The following GPHN variants were observed in gnomAD, a reference collection of about 807,000 sequenced individuals.
GPHN encodes the protein gephyrin.
Under a neutral mutation model 95.5 loss-of-function variants are expected in GPHN, and 17 were observed. That is an observed-to-expected ratio of 0.18 (90% CI 0.12 to 0.27). GPHN has a LOEUF of 0.27. Among genes scored for constraint, GPHN ranks in the 10% least tolerant of loss-of-function variants. The pLI is 1.00. For missense variants in GPHN, 660 were observed against 978.1 expected, an observed-to-expected ratio of 0.67 and a Z score of 4.34; for synonymous variants, 320 against 322.5, an observed-to-expected ratio of 0.99 and a Z score of 0.08.
At chr14:67,536,376 CT>C in the GPHN span, among the ~76,000 whole-genome samples, 1 of 151,910 alleles carries the variant, frequency 6.6e-6, no homozygotes, top group Admixed American at 6.5e-5. Flanking sequence ...TCAGCCACGT[CT>C]GGCAGAGCAC....
intron 3 of GPHN, among the ~76,000 whole-genome samples, chr14:66,802,473 C>G (rs1054686918): frequency 6.6e-6 from 1 of 152,110 alleles, no homozygotes; most frequent in African/African-American, 2.4e-5. Flanking sequence ...AGTTGGTACC[C>G]GAGTTGCAAG....
intron 1 of GPHN, among the ~76,000 whole-genome samples, chr14:66,537,210 G>C (rs1344300430): frequency 6.6e-6 from 1 of 151,934 alleles, no homozygotes; most frequent in African/African-American, 2.4e-5. Context: ...TTGTGCTTTA[G>C]TTGTAATAGG....
At chr14:66,555,035 G>A (rs1392892526) in intron 1 of GPHN, among the ~76,000 whole-genome samples, 1 of 152,072 alleles carries the variant, frequency 6.6e-6, no homozygotes, top group Admixed American at 6.6e-5. Flanking sequence ...TAATATTAAT[G>A]TATAGCTTCA....
chr14:67,359,417 A>G, the GPHN span, among the ~76,000 whole-genome samples: 1 of 152,212 alleles, frequency 6.6e-6, no homozygotes, highest in Non-Finnish European at 1.5e-5. Flanking sequence ...GACCTCCACA[A>G]AAGCCCGCCG....
intron 1 of GPHN, among the ~76,000 whole-genome samples, chr14:66,529,000 A>T (rs1231465314): frequency 6.6e-6 from 1 of 152,106 alleles, no homozygotes; most frequent in African/African-American, 2.4e-5. Flanking sequence ...CTGAATTTGA[A>T]TGTTGGCCTG....
chr14:67,126,809 C>T (rs1016670453), intron 17 of GPHN, among the ~76,000 whole-genome samples: 7 of 151,304 alleles, frequency 4.6e-5, no homozygotes, highest in African/African-American at 1.2e-4. Context: ...ATGTTTATTG[C>T]GGCATTATTC....
intron 2 of GPHN, among the ~76,000 whole-genome samples, chr14:66,697,756 T>C (rs1165703830): frequency 2.6e-5 from 4 of 151,454 alleles, no homozygotes; most frequent in African/African-American, 9.7e-5. Flanking sequence ...GGTGCAATCA[T>C]GGCTTACTGC....
At chr14:66,612,639 A>C (rs372725227) in intron 1 of GPHN, among the ~76,000 whole-genome samples, 68 of 152,236 alleles carry the variant, frequency 4.5e-4, no homozygotes, top group African/African-American at 1.5e-3. Context: ...ACAATTAAGT[A>C]AACACATGAA....
chr14:67,524,211 G>A, the GPHN span, among the ~76,000 whole-genome samples: 3 of 152,128 alleles, frequency 2.0e-5, no homozygotes, highest in African/African-American at 7.2e-5. Context: ...CCTCAGCCTA[G>A]TGAGTAGCTG....
the GPHN span, among the ~76,000 whole-genome samples, chr14:67,513,260 A>G: frequency 0.42 from 63,785 of 151,982 alleles, 13,902 homozygotes; most frequent in East Asian, 0.49. Flanking sequence ...GGACAAACCA[A>G]TAAAGCCGCT....
the GPHN span, among the ~76,000 whole-genome samples, chr14:67,192,531 G>A: frequency 6.6e-5 from 10 of 151,732 alleles, no homozygotes; most frequent in Non-Finnish European, 1.2e-4. Context: ...CCCGCACACC[G>A]AGAAGGCAAA....
chr14:67,724,410 A>C, the GPHN span: 1 of 889,594 alleles, frequency 1.1e-6, no homozygotes, highest in African/African-American at 1.9e-5. Context: ...TTTTTTTTTT[A>C]ACGTATCTTA....
At chr14:66,617,244 C>T (rs1441126103) in intron 1 of GPHN, among the ~76,000 whole-genome samples, 1 of 152,208 alleles carries the variant, frequency 6.6e-6, no homozygotes, top group Middle Eastern at 3.2e-3. Context: ...GTGCTGGTTG[C>T]CCCTCCTGTA....
At chr14:67,600,136 G>A in the GPHN span, 4 of 1,594,820 alleles carry the variant, frequency 2.5e-6, no homozygotes, top group South Asian at 2.3e-5. Flanking sequence ...GCAGGACGGG[G>A]AGTAGTAGCG....
At chr14:66,671,259 A>G (rs1395743570) in intron 1 of GPHN, among the ~76,000 whole-genome samples, 2 of 152,220 alleles carry the variant, frequency 1.3e-5, no homozygotes, top group Non-Finnish European at 2.9e-5. Flanking sequence ...GTGTCATTGC[A>G]TTACAGATTA....
At chr14:67,066,880 C>T (rs535614131) in intron 11 of GPHN, among the ~76,000 whole-genome samples, 2 of 152,278 alleles carry the variant, frequency 1.3e-5, no homozygotes, top group South Asian at 4.1e-4. Context: ...AGAACATGCT[C>T]CTTTAGCTCG....
the GPHN span, among the ~76,000 whole-genome samples, chr14:67,229,222 C>T: frequency 1.3e-5 from 2 of 152,232 alleles, no homozygotes; most frequent in Admixed American, 6.5e-5. Context: ...CACATTAGAA[C>T]TCATGCTTTT....
intron 2 of GPHN, among the ~76,000 whole-genome samples, chr14:66,716,231 C>A (rs2070168899): frequency 6.6e-6 from 1 of 152,126 alleles, no homozygotes; most frequent in African/African-American, 2.4e-5. Flanking sequence ...TCCTGTTGGA[C>A]AAGGCCTTTT....
intron 11 of GPHN, among the ~76,000 whole-genome samples, chr14:67,069,358 G>T (rs2076191663): frequency 6.6e-6 from 1 of 152,084 alleles, no homozygotes; most frequent in South Asian, 2.1e-4. Flanking sequence ...TATGACCTTG[G>T]TGAGGACTTC....
Sources: allele counts gnomAD v4.1 joint callset (sites outside exome capture counted in the v4.1 genomes callset), GRCh38; gene constraint gnomAD v4.1.1; transcripts MANE v1.5; gene names NCBI Gene and HGNC (gene_info 2026-07-23, HGNC 2026-07-21).